The following PDE4D variants were observed in gnomAD, a reference collection of about 807,000 sequenced individuals.
PDE4D encodes the protein phosphodiesterase 4D.
Under a neutral mutation model 87.4 loss-of-function variants are expected in PDE4D, and 24 were observed. The observed-to-expected ratio is 0.27, with a 90% CI of 0.20 to 0.39. The LOEUF is 0.39. Ranked by LOEUF, PDE4D falls within the 10% of genes least tolerant of loss-of-function variation. PDE4D has a pLI of 1.00. For synonymous variants in PDE4D, 384 were observed against 383.2 expected (o/e 1.00, Z -0.02); for missense variants, 714 against 1,041.0 (o/e 0.69, Z 4.32).
At chr5:60,342,561 T>A (rs768506274) in intron 1 of PDE4D, among the ~76,000 whole-genome samples, 1 of 152,206 alleles carries the variant, frequency 6.6e-6, no homozygotes, top group Non-Finnish European at 1.5e-5. Context: ...TTAGCCATTA[T>A]TATCTTTTAT....
chr5:59,201,645 T>C (rs1250238271), intron 2 of PDE4D, among the ~76,000 whole-genome samples: 4 of 152,202 alleles, frequency 2.6e-5, no homozygotes, highest in Non-Finnish European at 5.9e-5. Context: ...GCCTTTTAAT[T>C]TGAAACTAGC....
At chr5:59,495,419 C>T (rs1207921098) in intron 1 of PDE4D, among the ~76,000 whole-genome samples, 6 of 152,172 alleles carry the variant, frequency 3.9e-5, no homozygotes, top group Non-Finnish European at 7.4e-5. Context: ...CAAGCCTCAT[C>T]ATCAATCCTC....
intron 2 of PDE4D, among the ~76,000 whole-genome samples, chr5:60,103,369 G>T (rs1776452510): frequency 6.6e-6 from 1 of 152,090 alleles, no homozygotes; most frequent in South Asian, 2.1e-4. Flanking sequence ...AAGAAGAATA[G>T]AAGAATAAAA....
At chr5:59,354,523 T>G (rs58583404) in intron 1 of PDE4D, among the ~76,000 whole-genome samples, 4 of 152,286 alleles carry the variant, frequency 2.6e-5, no homozygotes, top group East Asian at 3.9e-4. Flanking sequence ...TGTATATATA[T>G]AGAGTGACTC....
chr5:59,735,091 C>T (rs1316867348), intron 1 of PDE4D, among the ~76,000 whole-genome samples: 1 of 152,120 alleles, frequency 6.6e-6, no homozygotes, highest in Admixed American at 6.6e-5. Context: ...TAAAGTGATA[C>T]ACTTCAGTTG....
intron 2 of PDE4D, among the ~76,000 whole-genome samples, chr5:60,019,546 C>T (rs1264555353): frequency 1.3e-5 from 2 of 152,210 alleles, no homozygotes; most frequent in Non-Finnish European, 2.9e-5. Context: ...GATGCAGCTT[C>T]TACATCATTT....
At chr5:59,601,170 C>G in intron 1 of PDE4D, among the ~76,000 whole-genome samples, 1 of 152,046 alleles carries the variant, frequency 6.6e-6, no homozygotes, top group East Asian at 1.9e-4. Context: ...CTAACACATT[C>G]GTAAGAACAG....
intron 1 of PDE4D, among the ~76,000 whole-genome samples, chr5:60,370,372 A>G (rs1760917258): frequency 6.6e-6 from 1 of 152,234 alleles, no homozygotes. Flanking sequence ...AGGTGTTGTA[A>G]CAACATATCA....
chr5:60,342,033 T>C (rs1197987337), intron 1 of PDE4D, among the ~76,000 whole-genome samples: 1 of 152,162 alleles, frequency 6.6e-6, no homozygotes, highest in Non-Finnish European at 1.5e-5. Context: ...TTTGCTTCCT[T>C]GGAACAAGTA....
intron 2 of PDE4D, among the ~76,000 whole-genome samples, chr5:59,196,755 T>C (rs1188758236): frequency 6.6e-6 from 1 of 152,174 alleles, no homozygotes; most frequent in East Asian, 1.9e-4. Flanking sequence ...ACATTTTCAA[T>C]AGGTGTATAT....
At chr5:60,521,106 T>A (rs754006135) in intron 1 of PDE4D, 1 of 152,298 alleles carries the variant, frequency 6.6e-6, no homozygotes, top group Non-Finnish European at 1.5e-5. Context: ...CACCAAGATT[T>A]GGCAAGCAGG....
At chr5:59,724,437 G>A (rs1187528538) in intron 1 of PDE4D, among the ~76,000 whole-genome samples, 1 of 152,038 alleles carries the variant, frequency 6.6e-6, no homozygotes, top group Non-Finnish European at 1.5e-5. Context: ...TTGTAGGGGT[G>A]TACAGATCAT....
chr5:59,163,543 T>C (rs1035139490), intron 5 of PDE4D, among the ~76,000 whole-genome samples: 12 of 152,322 alleles, frequency 7.9e-5, no homozygotes, highest in African/African-American at 2.9e-4. Flanking sequence ...AAATGCTGGA[T>C]AACAGGCGTG....
chr5:58,987,468 G>A (rs996054400), intron 11 of PDE4D, among the ~76,000 whole-genome samples: 14 of 152,090 alleles, frequency 9.2e-5, no homozygotes, highest in African/African-American at 3.4e-4. Flanking sequence ...TATAAAAATA[G>A]GTAAATAATC....
intron 1 of PDE4D, among the ~76,000 whole-genome samples, chr5:59,858,492 G>A (rs1439574323): frequency 1.3e-5 from 2 of 152,048 alleles, no homozygotes; most frequent in Admixed American, 6.6e-5. Flanking sequence ...ACTTGAAAAT[G>A]TGCTTTTGTG....
At chr5:60,078,869 T>C (rs575170439) in intron 2 of PDE4D, among the ~76,000 whole-genome samples, 6 of 152,300 alleles carry the variant, frequency 3.9e-5, no homozygotes, top group African/African-American at 1.4e-4. Flanking sequence ...ATCTTTGTAG[T>C]AGAATTATTT....
intron 2 of PDE4D, among the ~76,000 whole-genome samples, chr5:60,147,087 T>C (rs925234726): frequency 2.0e-5 from 3 of 152,110 alleles, no homozygotes; most frequent in Admixed American, 6.5e-5. Flanking sequence ...GCAGCAAAAC[T>C]AACAGCTGTA....
chr5:59,637,511 T>A lies in PDE4D; in HGVS notation c.455+255657A>T, dbSNP rs370837076. 7.9e-5 allele frequency among the ~76,000 whole-genome samples: 12 copies of A among 151,820 alleles called. No individual in the cohort carries two copies. In the South Asian group the frequency reaches 1.5e-3, roughly 18 times the overall value. On this transcript the variant is annotated intron_variant, in intron 1 of 14. Transcript: ENST00000340635. ...TGGAACCAACAAAAATACCCATCAATGATAGACTGGATGAAGAAAATGTGG... is the reference window on the plus strand; with the variant it reads ...TGGAACCAACAAAAATACCCATCAAAGATAGACTGGATGAAGAAAATGTGG...
chr5:60,090,109 T>A (rs2152910772), intron 2 of PDE4D, among the ~76,000 whole-genome samples: 1 of 152,238 alleles, frequency 6.6e-6, no homozygotes, highest in Admixed American at 6.5e-5. Flanking sequence ...CCTATACCAA[T>A]TCTCTTTAAA....
Sources: gnomAD v4.1 joint callset for allele counts (sites outside exome capture counted in the v4.1 genomes callset) on GRCh38, gnomAD v4.1.1 for gene constraint, MANE v1.5 for transcripts, NCBI Gene and HGNC (gene_info 2026-07-23, HGNC 2026-07-21) for gene names.